Variants in SLC38A4 observed in about 807,000 individuals in gnomAD.
The protein encoded by SLC38A4 is sodium-coupled neutral amino acid transporter 4.
SLC38A4 carries 20 observed loss-of-function variants against 63.1 expected under a neutral mutation model. The ratio of observed to expected loss-of-function variants is 0.32; its 90% confidence interval spans 0.22 to 0.46. The LOEUF (loss-of-function observed/expected upper bound fraction) is 0.46, where lower values mean the gene tolerates loss of function less well. Among genes scored for constraint, SLC38A4 ranks in the 20% least tolerant of loss-of-function variants. The pLI, the probability that SLC38A4 is intolerant of heterozygous loss-of-function variation, is 1.00. For synonymous variants in SLC38A4, 230 were observed against 225.5 expected, an observed-to-expected ratio of 1.02 and a Z score of -0.18; for missense variants, 526 against 663.6, an observed-to-expected ratio of 0.79 and a Z score of 2.28.
At chr12:46,813,154 C>G (rs1408387185) in intron 1 of SLC38A4, among the ~76,000 whole-genome samples, 1 of 151,870 alleles carries the variant, frequency 6.6e-6, no homozygotes, top group East Asian at 1.9e-4. Flanking sequence ...TTAAGATAAC[C>G]TGGGAGAGTT....
chr12:46,777,086 A>C, intron 12 of SLC38A4, 82 bp from the exon 13 acceptor site: 1 of 1,131,046 alleles, frequency 8.8e-7, no homozygotes, highest in Non-Finnish European at 1.3e-6. Flanking sequence ...AATAATAAAA[A>C]AGTATATCTA....
intron 2 of SLC38A4, among the ~76,000 whole-genome samples, chr12:46,798,932 T>C (rs1000740435): frequency 6.6e-6 from 1 of 152,158 alleles, no homozygotes; most frequent in East Asian, 1.9e-4. Flanking sequence ...ACTATGTCTT[T>C]GGCAGTAAGC....
At chr12:46,814,985 TGAG>T in intron 1 of SLC38A4, among the ~76,000 whole-genome samples, 2 of 151,874 alleles carry the variant, frequency 1.3e-5, no homozygotes, top group South Asian at 4.2e-4. Flanking sequence ...GATTTAGAAA[TGAG>T]GAGTTTTATT....
chr12:46,783,051 T>TGTGTGTGC (rs1555170942), intron 7 of SLC38A4, among the ~76,000 whole-genome samples: 9,094 of 140,980 alleles, frequency 0.065, 417 homozygotes, highest in Middle Eastern at 0.097. Flanking sequence ...TGTGTGTGTG[T>TGTGTGTGC]GTGTGTGTTA....
chr12:46,784,354 C>T (rs1172657284), intron 7 of SLC38A4, among the ~76,000 whole-genome samples, 188 bp downstream of exon 7: 1 of 151,912 alleles, frequency 6.6e-6, no homozygotes, highest in Non-Finnish European at 1.5e-5. Context: ...TTATTTCATT[C>T]TTAGATATTG....
intron 2 of SLC38A4, among the ~76,000 whole-genome samples, chr12:46,801,660 C>T (rs1432842131): frequency 3.9e-5 from 6 of 152,020 alleles, no homozygotes; most frequent in Non-Finnish European, 4.4e-5. Flanking sequence ...ATCTTGTATC[C>T]AAGGAACTTA....
intron 1 of SLC38A4, among the ~76,000 whole-genome samples, chr12:46,807,065 G>A (rs185897076): frequency 5.9e-5 from 9 of 151,904 alleles, no homozygotes; most frequent in East Asian, 3.9e-4. Flanking sequence ...TGTTGTTCTC[G>A]TCATGACTAT....
intron 3 of SLC38A4, among the ~76,000 whole-genome samples, chr12:46,789,208 C>CTT (rs71070319): frequency 2.8e-5 from 4 of 141,768 alleles, no homozygotes; most frequent in African/African-American, 2.6e-5. Context: ...TATTTTCTTT[C>CTT]TTTTTTTTTT....
chr12:46,796,352 A>G (rs77707935), intron 2 of SLC38A4, among the ~76,000 whole-genome samples: 8 of 152,230 alleles, frequency 5.3e-5, no homozygotes, highest in African/African-American at 1.9e-4. Flanking sequence ...TCCCTAAATT[A>G]TACGTTTCTT....
chr12:46,828,209 C>A (rs1018420125), upstream of SLC38A4, among the ~76,000 whole-genome samples: 13 of 152,338 alleles, frequency 8.5e-5, no homozygotes, highest in Middle Eastern at 0.014. Flanking sequence ...AAACCTTGCT[C>A]AGGTACCACC....
intron 1 of SLC38A4, among the ~76,000 whole-genome samples, chr12:46,824,084 C>T (rs934982270): frequency 2.5e-4 from 38 of 152,134 alleles, no homozygotes; most frequent in Admixed American, 1.3e-4. Context: ...CCCTGTCAAA[C>T]CCAATAGCTA....
chr12:46,826,216 CA>C (rs1239455176), upstream of SLC38A4, among the ~76,000 whole-genome samples: 1 of 152,156 alleles, frequency 6.6e-6, no homozygotes, highest in African/African-American at 2.4e-5. Context: ...AAACAAAGAG[CA>C]AAGTCCCTGC....
chr12:46,831,065 G>C (rs1016813968), intron 1 of SLC38A4, among the ~76,000 whole-genome samples: 2 of 152,164 alleles, frequency 1.3e-5, no homozygotes, highest in Non-Finnish European at 2.9e-5. Flanking sequence ...GGTCAGTCCT[G>C]GTGCTCAAAG....
chr12:46,783,048 G>GTA, intron 7 of SLC38A4, among the ~76,000 whole-genome samples: 1 of 134,082 alleles, frequency 7.5e-6, no homozygotes, highest in East Asian at 2.3e-4. Context: ...GTGTGTGTGT[G>GTA]TGTGTGTGTG....
At chr12:46,818,790 C>T (rs980108036) in intron 1 of SLC38A4, among the ~76,000 whole-genome samples, 2 of 151,846 alleles carry the variant, frequency 1.3e-5, no homozygotes, top group African/African-American at 2.4e-5. Context: ...CAAAACAACA[C>T]TTAGTGTTTA....
At chr12:46,821,551 G>C (rs1939551317) in intron 1 of SLC38A4, among the ~76,000 whole-genome samples, 1 of 151,768 alleles carries the variant, frequency 6.6e-6, no homozygotes, top group South Asian at 2.1e-4. Flanking sequence ...TACAGCTTTT[G>C]TTGTCTTGTT....
intron 2 of SLC38A4, among the ~76,000 whole-genome samples, chr12:46,800,903 C>T (rs1325607271): frequency 6.6e-6 from 1 of 152,146 alleles, no homozygotes; most frequent in African/African-American, 2.4e-5. Context: ...TGAAAATTCT[C>T]TCCTCTGATT....
chr12:46,791,137 A>G (rs898179000), intron 3 of SLC38A4, among the ~76,000 whole-genome samples: 3 of 152,206 alleles, frequency 2.0e-5, no homozygotes, highest in African/African-American at 7.2e-5. Context: ...ATTTGTGTGC[A>G]TGCCTTTCAG....
chr12:46,782,608 A>G (rs956174546), intron 7 of SLC38A4, among the ~76,000 whole-genome samples: 14 of 151,804 alleles, frequency 9.2e-5, no homozygotes, highest in Non-Finnish European at 1.5e-4. Context: ...CAATCATCAT[A>G]TATTTGTTTT....
Sources: gnomAD v4.1 joint callset for allele counts (sites outside exome capture counted in the v4.1 genomes callset) on GRCh38, gnomAD v4.1.1 for gene constraint, MANE v1.5 for transcripts, NCBI Gene and HGNC (gene_info 2026-07-23, HGNC 2026-07-21) for gene names.